Variants in PSMA5 observed in about 807,000 individuals in gnomAD.
PSMA5 encodes proteasome 20S subunit alpha 5.
A neutral mutation model predicts 34.5 loss-of-function variants in PSMA5; 3 were observed. The ratio of observed to expected loss-of-function variants is 0.09; its 90% CI spans 0.04 to 0.22. The LOEUF (loss-of-function observed/expected upper bound fraction) is 0.22, where lower values mean the gene tolerates loss of function less well. PSMA5 is among the 10% of genes least tolerant of loss of function. PSMA5 has a pLI of 1.00. For synonymous variants in PSMA5, 88 were observed against 95.8 expected (o/e 0.92, Z 0.47); for missense variants, 120 against 286.1 (o/e 0.42, Z 4.19).
intron 8 of PSMA5, among the ~76,000 whole-genome samples, chr1:109,406,126 G>A (rs1653748921): frequency 6.6e-6 from 1 of 152,214 alleles, no homozygotes; most frequent in Admixed American, 6.5e-5. Context: ...TGTCAAATCT[G>A]AGGTGAATCC....
chr1:109,425,905 T>C, intron 1 of PSMA5: 1 of 243,770 alleles, frequency 4.1e-6, no homozygotes, highest in Non-Finnish European at 8.2e-6. Flanking sequence ...ACCAGTTGCT[T>C]TTTCTTCCAG....
chr1:109,408,495 C>G (rs779395252), intron 8 of PSMA5, among the ~76,000 whole-genome samples: 1 of 152,172 alleles, frequency 6.6e-6, no homozygotes, highest in Non-Finnish European at 1.5e-5. Flanking sequence ...CTGCACTACA[C>G]AGTATACTAC....
chr1:109,410,718 A>T (rs112193124), intron 7 of PSMA5, among the ~76,000 whole-genome samples: 40 of 152,380 alleles, frequency 2.6e-4, no homozygotes, highest in African/African-American at 8.2e-4. Flanking sequence ...TCTCAAAAAC[A>T]GTGTGTTAAA....
rs1185492066 is a variant in PSMA5, at chr1:109,415,437, G to C, written c.97-74C>G. On this transcript the variant is annotated intron_variant, in intron 2 of 8. Transcript: ENST00000271308. ...TTACATACTCACCAGATAGCTCTCT[G>C]TAAATCTTCACATGATAGAAACTTC... The C allele has an allele frequency of 3.4e-6, 5 of 1,454,366 alleles. No individual in the cohort carries two copies. In the Admixed American group the frequency reaches 6.2e-5, roughly 18 times the overall value. 90.1% of individuals were successfully genotyped at this position (1,454,366 alleles called of 1,614,324 possible). A position where few individuals can be genotyped will look rare whatever the true frequency, so the allele number is the denominator to read the frequency against.
intron 2 of PSMA5, 138 bp from the exon 3 acceptor site, chr1:109,415,501 T>C: frequency 1.4e-6 from 1 of 697,756 alleles, no homozygotes; most frequent in Non-Finnish European, 2.1e-6. Flanking sequence ...AGGAGCACCC[T>C]AACATACTGT....
At chr1:109,417,724 G>A (rs776414297) in intron 2 of PSMA5, among the ~76,000 whole-genome samples, 1 of 152,114 alleles carries the variant, frequency 6.6e-6, no homozygotes. Flanking sequence ...ATACCCTCCC[G>A]GAATGAAATG....
chr1:109,399,332 A>G lies in PSMA5; in HGVS notation c.*2681T>C, dbSNP rs1411032067. On this transcript the variant is annotated 3_prime_UTR_variant, in exon 9 of 9. Coordinates refer to ENST00000271308, the MANE Select transcript of PSMA5 (RefSeq NM_002790.4). ...ATAAAGCTGATGAAAATTGGTGAAC[A>G]ATTTGTTCCTTTCCATAACTACTAT... is the stretch of plus-strand genomic sequence containing the variant. 3 of 152,176 alleles carry G rather than the reference A, an allele frequency of 2.0e-5. No homozygotes were observed. Among genetic ancestry groups the G allele is most frequent in the African/African-American group, 4.8e-5 (2 of 41,422 alleles). 9.4% of individuals were successfully genotyped at this position (152,176 alleles called of 1,614,324 possible).
chr1:109,416,764 C>A (rs978814225), intron 2 of PSMA5, among the ~76,000 whole-genome samples: 1 of 152,110 alleles, frequency 6.6e-6, no homozygotes, highest in Non-Finnish European at 1.5e-5. Flanking sequence ...TCAGTGGATA[C>A]CTGCATAACT....
intron 8 of PSMA5, among the ~76,000 whole-genome samples, chr1:109,403,441 C>G (rs1016865852): frequency 1.3e-5 from 2 of 151,322 alleles, no homozygotes; most frequent in Non-Finnish European, 2.9e-5. Context: ...CTGGACAACA[C>G]AGGGAGACCC....
At chr1:109,412,392 A>C in intron 4 of PSMA5, 1 of 484,532 alleles carries the variant, frequency 2.1e-6, no homozygotes, top group Non-Finnish European at 3.7e-6. Flanking sequence ...ACTCTACGCA[A>C]CGACGGACAA....
rs763104377 is a variant in PSMA5 at position 109,426,352 on chromosome 1, C to A, written c.-22G>T. On this transcript the variant is annotated 5_prime_UTR_variant, in exon 1 of 9. Coordinates refer to ENST00000271308, the MANE Select transcript of PSMA5 (RefSeq NM_002790.4). ...ACATGGCGAGGGTAGGAGGAGGCAG[C>A]GGCTACGCGGGGATTCTGAGGACCA... 1.9e-6 allele frequency: 3 copies of A among 1,613,188 alleles called. No homozygotes were observed. Among genetic ancestry groups the A allele is most frequent in the African/African-American group, 2.7e-5 (2 of 74,994 alleles).
At chr1:109,424,676 G>A (rs1028839097) in intron 1 of PSMA5, among the ~76,000 whole-genome samples, 1 of 151,324 alleles carries the variant, frequency 6.6e-6, no homozygotes, top group Admixed American at 6.6e-5. Flanking sequence ...TCAGGACGCT[G>A]AGTCAGAGAA....
chr1:109,421,462 CAAAA>C (rs947075141), intron 2 of PSMA5, among the ~76,000 whole-genome samples: 3 of 73,712 alleles, frequency 4.1e-5, no homozygotes, highest in Non-Finnish European at 5.9e-5. Flanking sequence ...GACTCCATCT[CAAAA>C]AAAAAAAAAA....
intron 1 of PSMA5, among the ~76,000 whole-genome samples, chr1:109,424,661 G>A (rs1359933449): frequency 6.6e-6 from 1 of 151,354 alleles, no homozygotes; most frequent in East Asian, 2.0e-4. Context: ...TGTAATCCCA[G>A]CTACTCAGGA....
chr1:109,406,500 C>A (rs1557839076), intron 8 of PSMA5, among the ~76,000 whole-genome samples: 1 of 152,046 alleles, frequency 6.6e-6, no homozygotes, highest in African/African-American at 2.4e-5. Flanking sequence ...GAGTTTAAGA[C>A]CAGTCTGGGC....
chr1:109,401,941 A>C lies in PSMA5; in HGVS notation c.*72T>G. The C allele has an allele frequency of 8.4e-7, 1 of 1,191,892 alleles. No homozygotes were observed. The highest frequency in any genetic ancestry group is 1.2e-6 in the Non-Finnish European group (1 of 817,232). The allele number at this position is 1,191,892 out of a possible 1,614,324, so 73.8% of individuals were successfully genotyped here. ...CAATGGAGATTTTCCAAGGAACAGG[A>C]GCTGGAAATAAAATTTAAGGACATT... On this transcript the variant is annotated 3_prime_UTR_variant, in exon 9 of 9. Transcript: ENST00000271308.
chr1:109,411,098 T>A lies in PSMA5; in HGVS notation c.474A>T (p.Pro158=). 1 of 1,612,744 alleles carries A rather than the reference T, an allele frequency of 6.2e-7. No individual in the cohort carries two copies. The highest frequency in any genetic ancestry group is 8.5e-7 in the Non-Finnish European group (1 of 1,179,342). ...CATCACACTGTACAAAGGTCCCAGATGGGTCCATATGAAACCTGCAAAACC... is the reference window on the plus strand; with the variant it reads ...CATCACACTGTACAAAGGTCCCAGAAGGGTCCATATGAAACCTGCAAAACC... ...EKGPQLFHMD[P]SGTFVQCDAR... The change falls in exon 7 of 9, where the codon CCA becomes CCT. Residue 158 remains proline (P), a synonymous_variant. Transcript: ENST00000271308.
intron 3 of PSMA5, chr1:109,414,953 A>T (rs761329927): frequency 3.3e-6 from 1 of 301,134 alleles, no homozygotes; most frequent in Non-Finnish European, 6.2e-6. Context: ...TATTATTCTT[A>T]TAACTTGTAG....
chr1:109,420,764 G>C (rs979753996), intron 2 of PSMA5, among the ~76,000 whole-genome samples: 2 of 152,112 alleles, frequency 1.3e-5, no homozygotes, highest in African/African-American at 4.8e-5. Flanking sequence ...CCAGACATTT[G>C]GCAAAGTCTG....
Sources: allele counts gnomAD v4.1 joint callset (sites outside exome capture counted in the v4.1 genomes callset), GRCh38; gene constraint gnomAD v4.1.1; transcripts MANE v1.5; gene names NCBI Gene and HGNC (gene_info 2026-07-23, HGNC 2026-07-21).